Variants in ABCG2 observed in about 807,000 individuals in gnomAD.
The protein encoded by ABCG2 is ATP binding cassette subfamily G member 2 (JR blood group).
A neutral mutation model predicts 73.5 loss-of-function variants in ABCG2; 80 were observed. The observed-to-expected ratio is 1.09, with a 90% CI of 0.91 to 1.31. The LOEUF is 1.31. Among genes scored for constraint, ABCG2 ranks in the 50% most tolerant of loss-of-function variants. The pLI, the probability that ABCG2 is intolerant of heterozygous loss-of-function variation, is 0.00. For synonymous variants in ABCG2, 269 were observed against 282.4 expected, an observed-to-expected ratio of 0.95 and a Z score of 0.48; for missense variants, 796 against 786.2, an observed-to-expected ratio of 1.01 and a Z score of -0.15.
intron 1 of ABCG2, among the ~76,000 whole-genome samples, chr4:88,209,136 C>G (rs1036054075): frequency 6.6e-6 from 1 of 151,762 alleles, no homozygotes. Context: ...ATGGCGAAAC[C>G]CTGTCTCTAC....
chr4:88,167,163 T>C (rs946243857), intron 1 of ABCG2, among the ~76,000 whole-genome samples: 4 of 151,860 alleles, frequency 2.6e-5, no homozygotes, highest in African/African-American at 9.7e-5. Context: ...AGCTGGACAC[T>C]CTTCTCTAAA....
At chr4:88,098,545 C>A (rs1158567890) in intron 12 of ABCG2, among the ~76,000 whole-genome samples, 3 of 150,228 alleles carry the variant, frequency 2.0e-5, no homozygotes, top group African/African-American at 4.9e-5. Context: ...TATATTTAAT[C>A]ATTTTATGTA....
At chr4:88,208,985 G>C (rs1014592822) in intron 1 of ABCG2, among the ~76,000 whole-genome samples, 2 of 152,006 alleles carry the variant, frequency 1.3e-5, no homozygotes, top group Non-Finnish European at 1.5e-5. Context: ...CTGGGTGACA[G>C]AGCGAGACTG....
intron 1 of ABCG2, among the ~76,000 whole-genome samples, chr4:88,212,891 T>G (rs961551564): frequency 2.0e-5 from 3 of 152,104 alleles, no homozygotes; most frequent in African/African-American, 7.2e-5. Context: ...ATTATTTGAT[T>G]TTGTGTTTGA....
chr4:88,165,159 G>A (rs1267913683), intron 1 of ABCG2, among the ~76,000 whole-genome samples: 2 of 152,196 alleles, frequency 1.3e-5, no homozygotes, highest in Non-Finnish European at 2.9e-5. Context: ...TGATGGATGT[G>A]CTGAGGGTAT....
At chr4:88,100,432 G>C (rs1422891176) in intron 11 of ABCG2, among the ~76,000 whole-genome samples, 1 of 151,630 alleles carries the variant, frequency 6.6e-6, no homozygotes. Context: ...GAACCCGGGA[G>C]GTAGAGATTG....
intron 1 of ABCG2, among the ~76,000 whole-genome samples, chr4:88,144,813 A>G (rs1257579062): frequency 6.6e-6 from 1 of 152,160 alleles, no homozygotes; most frequent in Non-Finnish European, 1.5e-5. Context: ...CTGGTACTCT[A>G]TTATAAAAAT....
chr4:88,201,681 G>A (rs4693930), intron 1 of ABCG2: 64,201 of 152,024 alleles, frequency 0.42, 14,840 homozygotes, highest in East Asian at 0.67. Context: ...TCACCTGGGA[G>A]CTGGTTAGAA....
upstream of ABCG2, chr4:88,159,073 T>C (rs1727164128): frequency 4.4e-6 from 2 of 451,720 alleles, no homozygotes; most frequent in Non-Finnish European, 8.9e-6. Context: ...ACCACCGCCC[T>C]CCCTCGGGGC....
chr4:88,202,373 T>TAC (rs1443919035), intron 1 of ABCG2, among the ~76,000 whole-genome samples: 11 of 128,354 alleles, frequency 8.6e-5, no homozygotes, highest in African/African-American at 3.3e-4. Context: ...TATATATATA[T>TAC]ATATGTATAT....
At chr4:88,123,160 A>T (rs138409370) in intron 5 of ABCG2, among the ~76,000 whole-genome samples, 14,131 of 152,202 alleles carry the variant, frequency 0.093, 968 homozygotes, top group East Asian at 0.31. Context: ...TCCACACCAA[A>T]ACCCCATCCA....
chr4:88,209,770 G>A (rs1359085082), intron 1 of ABCG2, among the ~76,000 whole-genome samples: 1 of 152,170 alleles, frequency 6.6e-6, no homozygotes, highest in Non-Finnish European at 1.5e-5. Context: ...ATTAGCAGGG[G>A]TTGTGTTGGT....
chr4:88,145,480 T>C (rs1424059763), intron 1 of ABCG2, among the ~76,000 whole-genome samples: 1 of 152,146 alleles, frequency 6.6e-6, no homozygotes, highest in Admixed American at 6.6e-5. Context: ...ACTGGCTAGG[T>C]GCTCTAGGAC....
At chr4:88,148,918 C>G (rs1726245963) in intron 1 of ABCG2, among the ~76,000 whole-genome samples, 1 of 152,178 alleles carries the variant, frequency 6.6e-6, no homozygotes, top group Admixed American at 6.5e-5. Flanking sequence ...AGTTTTCTGT[C>G]CCCTTAATTT....
chr4:88,096,752 A>C (rs1722010682), intron 13 of ABCG2, among the ~76,000 whole-genome samples: 1 of 134,482 alleles, frequency 7.4e-6, no homozygotes, highest in Admixed American at 7.2e-5. Flanking sequence ...GTAACCATTA[A>C]AAAAAAAAAG....
intron 2 of ABCG2, among the ~76,000 whole-genome samples, chr4:88,135,821 T>G (rs142578439): frequency 0.021 from 3,249 of 152,246 alleles, 57 homozygotes; most frequent in Non-Finnish European, 0.038. Context: ...TAAAAAACGT[T>G]GAGAAGAGAT....
chr4:88,215,230 G>C (rs957272923), intron 1 of ABCG2, among the ~76,000 whole-genome samples: 5 of 152,192 alleles, frequency 3.3e-5, no homozygotes, highest in African/African-American at 1.2e-4. Context: ...TAATTGACCT[G>C]AGTGTACTCC....
Position 88,205,445 on chromosome 4 carries a change from C to A in ABCG2, c.-20+25549G>T, listed in dbSNP as rs539457671. On this transcript the variant is annotated intron_variant, in intron 1 of 15. Coordinates refer to the ABCG2 transcript ENST00000515655. ...TTCACACTACCTTTCTATATACACA[C>A]AGACTCCAACTAACTTGGCATTAAA... is the stretch of plus-strand genomic sequence containing the variant. Among the ~76,000 whole-genome samples the A allele has an allele frequency of 1.6e-4, 24 of 152,282 alleles. 1 individual carries two copies. The South Asian group carries it at 4.8e-3, about 30-fold the overall frequency.
intron 5 of ABCG2, among the ~76,000 whole-genome samples, chr4:88,130,622 C>T (rs926728682): frequency 1.3e-5 from 2 of 152,162 alleles, no homozygotes; most frequent in East Asian, 3.9e-4. Context: ...TGATACAGAG[C>T]AAGAATCCTT....
Sources: gnomAD v4.1 joint callset for allele counts (sites outside exome capture counted in the v4.1 genomes callset) on GRCh38, gnomAD v4.1.1 for gene constraint, MANE v1.5 for transcripts, NCBI Gene and HGNC (gene_info 2026-07-23, HGNC 2026-07-21) for gene names.